The following TMEM94 variants were observed in gnomAD, a reference collection of about 807,000 sequenced individuals.
TMEM94 encodes the protein ER Mg2+ ATPase.
A neutral mutation model predicts 158.6 loss-of-function variants in TMEM94; 81 were observed. The observed-to-expected ratio is 0.51, with a 90% CI of 0.43 to 0.61. TMEM94 has a LOEUF of 0.61. Ranked by LOEUF, TMEM94 falls within the 20% of genes least tolerant of loss-of-function variation. The pLI is 0.00. For missense variants in TMEM94, 1,435 were observed against 1,762.0 expected (o/e 0.81, Z 3.32); for synonymous variants, 751 against 730.7 (o/e 1.03, Z -0.45).
intron 16 of TMEM94, 49 bp from the exon 17 acceptor site, chr17:75,493,442 C>T (rs373581557): frequency 1.7e-4 from 274 of 1,569,208 alleles, no homozygotes; most frequent in Non-Finnish European, 2.2e-4. Context: ...GTCAGGTCAG[C>T]GTGAGGGGGC....
intron 2 of TMEM94, among the ~76,000 whole-genome samples, chr17:75,479,687 G>A (rs192459858): frequency 1.3e-5 from 2 of 152,162 alleles, no homozygotes; most frequent in African/African-American, 2.4e-5. Flanking sequence ...GGAGGCTGAG[G>A]TGGGCAGATC....
chr17:75,496,586 G>A (rs2052710243), intron 24 of TMEM94, 115 bp downstream of exon 24: 9 of 1,409,750 alleles, frequency 6.4e-6, no homozygotes, highest in East Asian at 4.6e-5. Context: ...CCCTCCGAGC[G>A]GGCTCTCCCA....
chr17:75,478,329 T>TAAAAAAAAAAAAAAAAAAAGGAAAAAA (rs2050874634), intron 2 of TMEM94, among the ~76,000 whole-genome samples: 1 of 97,566 alleles, frequency 1.0e-5, no homozygotes, highest in Non-Finnish European at 2.1e-5. Flanking sequence ...GACTCCATCT[T>TAAAAAAAAAAAAAAAAAAAGGAAAAAA]AAAAAAAAAA....
Position 75,491,035 on chromosome 17 carries a change from C to T in TMEM94, c.1129-14C>T. 6.3e-7 allele frequency: 1 copy of T among 1,594,010 alleles called. No individual in the cohort carries two copies. Among genetic ancestry groups the T allele is most frequent in the Non-Finnish European group, 8.6e-7 (1 of 1,168,234 alleles). ...AGCCCTAAATGGCCTTGCAGACTTC[C>T]TCTCTCCCACCAGGAAATGCTGCGC... On this transcript the variant is annotated splice_polypyrimidine_tract_variant and intron_variant, in intron 11 of 31. Transcript: ENST00000314256. This position sits in a 1 kb window ranked among gnomAD's most constrained non-coding sequence, Gnocchi z 5.1.
Position 75,493,778 on chromosome 17 carries a change from G to A in TMEM94, c.2269G>A (p.Ala757Thr), listed in dbSNP as rs533748868. Residue 757 changes from alanine to threonine, a missense_variant, in exon 18 of 32, where the codon GCC (alanine) becomes ACC (threonine). By Grantham distance (58) the Ala-to-Thr change is moderately conservative. Around this residue, in one of 3 missense-constraint regions of TMEM94, gnomAD observed 1,051 missense variants for 1,254.4 expected, o/e 0.84. Transcript: ENST00000314256. ...SAFAYKPMNC[A>T]LSSQLNGKCI... ...CTTCGCCTACAAGCCCATGAACTGC[G>A]CCCTGTCCTCTCAGCTCAATGGCAA... 87 of 1,613,904 alleles carry A rather than the reference G, an allele frequency of 5.4e-5. No individual in the cohort carries two copies. Among genetic ancestry groups the A allele is most frequent in the Non-Finnish European group, 6.4e-5 (76 of 1,180,036 alleles).
intron 2 of TMEM94, chr17:75,476,630 G>C: frequency 3.3e-6 from 5 of 1,530,988 alleles, no homozygotes; most frequent in East Asian, 2.4e-5. Context: ...CACCCTCCCC[G>C]CTTTGAGGGA....
intron 1 of TMEM94, among the ~76,000 whole-genome samples, chr17:75,462,793 C>A (rs543343551): frequency 6.8e-6 from 1 of 146,280 alleles, no homozygotes; most frequent in Non-Finnish European, 1.5e-5. Flanking sequence ...GAGTTCTAGA[C>A]CAGTCTGGGC....
intron 2 of TMEM94, among the ~76,000 whole-genome samples, chr17:75,481,725 GCCCCACAGCCT>G (rs2051176431): frequency 6.6e-6 from 1 of 152,236 alleles, no homozygotes; most frequent in East Asian, 1.9e-4. Flanking sequence ...GGGGTCACCA[GCCCCACAGCCT>G]GTGGCTGAGC....
Position 75,492,781 on chromosome 17 carries a change from G to A in TMEM94, c.1904G>A (p.Arg635His), listed in dbSNP as rs772378131. The part of the protein sequence containing the change: ...HVPWGLCELA[R>H]LIGFTPGAKE... ...CCCTGGGGCCTCTGCGAGCTTGCCCGCCTCATTGGTACAGGTCCCCATGGC... is the reference window on the plus strand; with the variant it reads ...CCCTGGGGCCTCTGCGAGCTTGCCCACCTCATTGGTACAGGTCCCCATGGC... The change falls in exon 15 of 32, where the codon CGC becomes CAC. Residue 635 changes from arginine to histidine, a missense_variant. Arg to His is a conservative substitution (Grantham distance 29, BLOSUM62 0). Coordinates refer to ENST00000314256, the MANE Select transcript of TMEM94 (RefSeq NM_014738.6). The surrounding 1 kb of genome is among the most constrained non-coding windows in gnomAD (Gnocchi z 4.4). 1.2e-6 allele frequency: 2 copies of A among 1,604,924 alleles called. No homozygotes were observed. Among genetic ancestry groups the A allele is most frequent in the Non-Finnish European group, 1.7e-6 (2 of 1,178,490 alleles).
intron 1 of TMEM94, among the ~76,000 whole-genome samples, chr17:75,464,880 G>A (rs578261509): frequency 7.9e-5 from 12 of 151,720 alleles, no homozygotes; most frequent in Non-Finnish European, 1.6e-4. Flanking sequence ...TGTATTTTTA[G>A]TGGAGATGGG....
At position 75,456,637 on chromosome 17, in the gene TMEM94, C is replaced by T. The variant is rs372826833; in HGVS notation, c.-221C>T. 6.6e-6 allele frequency: 1 copy of T among 152,312 alleles called. No homozygotes were observed. The highest frequency in any genetic ancestry group is 1.5e-5 in the Non-Finnish European group (1 of 68,126). The allele number at this position is 152,312 out of a possible 1,614,324, so 9.4% of individuals were successfully genotyped here. On this transcript the variant is annotated 5_prime_UTR_variant, in exon 1 of 32. Transcript: ENST00000314256. ...TGTTGCCCGGAAGGGAGGCAAGCCCCCTTAGAGTTGCCAGTAACGGACATG... is the reference window on the plus strand; with the variant it reads ...TGTTGCCCGGAAGGGAGGCAAGCCCTCTTAGAGTTGCCAGTAACGGACATG...
chr17:75,492,975 G>T lies in TMEM94; in HGVS notation c.1959G>T (p.Leu653=). The T allele has an allele frequency of 5.6e-6, 9 of 1,613,778 alleles. No homozygotes were observed. The highest frequency in any genetic ancestry group is 7.6e-6 in the Non-Finnish European group (9 of 1,180,022). The stretch of plus-strand genomic sequence containing the variant: ...AGCTTTTCAAGCAGGAGAACCATCT[G>T]GCGCTGTACCGCCTCCCCAGTGCCG... ...AKELFKQENH[L]ALYRLPSAET... Residue 653 remains leucine (L), a synonymous_variant, in exon 16 of 32, where the codon CTG becomes CTT. Coordinates refer to ENST00000314256, the MANE Select transcript of TMEM94 (RefSeq NM_014738.6). This position sits in a 1 kb window ranked among gnomAD's most constrained non-coding sequence, Gnocchi z 4.4.
At chr17:75,490,888 A>G in intron 11 of TMEM94, 130 bp downstream of exon 11, 1 of 994,834 alleles carries the variant, frequency 1.0e-6, no homozygotes, top group Non-Finnish European at 1.6e-6. Context: ...ACATGTGGAC[A>G]TAACCTGGAC....
intron 1 of TMEM94, among the ~76,000 whole-genome samples, chr17:75,457,951 A>G (rs1231758276): frequency 1.3e-5 from 2 of 152,132 alleles, no homozygotes; most frequent in African/African-American, 4.8e-5. Flanking sequence ...CATTAAAAGT[A>G]GGATCCTCCT....
chr17:75,498,614 C>A lies in TMEM94; in HGVS notation c.3734-15C>A, dbSNP rs1390053487. On this transcript the variant is annotated splice_polypyrimidine_tract_variant and intron_variant, in intron 29 of 31. Coordinates refer to ENST00000314256, the MANE Select transcript of TMEM94 (RefSeq NM_014738.6). This position sits in a 1 kb window ranked among gnomAD's most constrained non-coding sequence, Gnocchi z 6.7. The stretch of plus-strand genomic sequence containing the variant: ...CTGTGGAAGTCTGACCCCCACATCG[C>A]CCCACCTTCCCCAGTCTTCATTTCC... The A allele has an allele frequency of 6.2e-7, 1 of 1,611,998 alleles. No individual in the cohort carries two copies. Among genetic ancestry groups the A allele is most frequent in the Non-Finnish European group, 8.5e-7 (1 of 1,179,010 alleles).
At position 75,498,598 on chromosome 17, in the gene TMEM94, T is replaced by C; in HGVS notation, c.3734-31T>C. 1.2e-6 allele frequency: 2 copies of C among 1,613,034 alleles called. No homozygotes were observed. Among genetic ancestry groups the C allele is most frequent in the Non-Finnish European group, 1.7e-6 (2 of 1,179,586 alleles). ...TGGGAGAGGAGCCCCACTGTGGAAG[T>C]CTGACCCCCACATCGCCCCACCTTC... On this transcript the variant is annotated intron_variant, in intron 29 of 31. Coordinates refer to ENST00000314256, the MANE Select transcript of TMEM94 (RefSeq NM_014738.6). This position sits in a 1 kb window ranked among gnomAD's most constrained non-coding sequence, Gnocchi z 6.7.
chr17:75,485,834 G>A lies in TMEM94; in HGVS notation c.145-37G>A, dbSNP rs1300167783. Reference sequence around the variant, plus strand: ...GAGGCAGCCAGATTGGAGTGGGACAGGCCTCTCATTGTCCCCTCCCTGTCC... The same window carrying A: ...GAGGCAGCCAGATTGGAGTGGGACAAGCCTCTCATTGTCCCCTCCCTGTCC... On this transcript the variant is annotated intron_variant, in intron 3 of 31. Transcript: ENST00000314256. The surrounding 1 kb of genome is among the most constrained non-coding windows in gnomAD (Gnocchi z 5.5). The A allele has an allele frequency of 1.9e-6, 3 of 1,584,850 alleles. No individual in the cohort carries two copies. Among genetic ancestry groups the A allele is most frequent in the Middle Eastern group, 1.7e-4 (1 of 5,952 alleles).
intron 2 of TMEM94, among the ~76,000 whole-genome samples, chr17:75,473,667 C>T (rs2050574691): frequency 1.3e-5 from 2 of 152,198 alleles, no homozygotes; most frequent in South Asian, 4.1e-4. Context: ...TGTCCTCCTC[C>T]TCTTTCTGGA....
At position 75,497,823 on chromosome 17, in the gene TMEM94, T is replaced by C. The variant is rs774468899; in HGVS notation, c.3450T>C (p.Ser1150=). Residue 1150 remains serine (S), a synonymous_variant, in exon 27 of 32, where the codon TCT becomes TCC. Coordinates refer to ENST00000314256, the MANE Select transcript of TMEM94 (RefSeq NM_014738.6). Reference sequence around the variant, plus strand: ...AGCCCCCCCATAGCTCCATCATGTCTATGGCAACGGGGAAAAACCTCCAGT... The same window carrying C: ...AGCCCCCCCATAGCTCCATCATGTCCATGGCAACGGGGAAAAACCTCCAGT... The part of the protein sequence containing the change: ...LGKPPHSSIM[S]MATGKNLQSI... 7 of 1,613,868 alleles carry C rather than the reference T, an allele frequency of 4.3e-6. No homozygotes were observed. Among genetic ancestry groups the C allele is most frequent in the Non-Finnish European group, 5.9e-6 (7 of 1,179,986 alleles).
Sources: gnomAD v4.1 joint callset for allele counts (sites outside exome capture counted in the v4.1 genomes callset) on GRCh38, gnomAD v4.1.1 for gene constraint, gnomAD v4.1.1 regional missense constraint, Gnocchi (gnomAD v3.1) non-coding constraint, MANE v1.5 for transcripts, NCBI Gene and HGNC (gene_info 2026-07-23, HGNC 2026-07-21) for gene names.